The following RNF123 variants were observed in gnomAD, a reference collection of about 807,000 sequenced individuals.
RNF123 encodes the protein E3 ubiquitin-protein ligase RNF123.
A neutral mutation model predicts 168.5 loss-of-function variants in RNF123; 86 were observed. The ratio of observed to expected loss-of-function variants is 0.51; its 90% confidence interval spans 0.43 to 0.61. RNF123 has a LOEUF of 0.61. Among genes scored for constraint, RNF123 ranks in the 20% least tolerant of loss-of-function variants. The pLI is 0.00. For missense variants in RNF123, 1,419 were observed against 1,729.7 expected, an observed-to-expected ratio of 0.82 and a Z score of 3.19; for synonymous variants, 666 against 689.1, an observed-to-expected ratio of 0.97 and a Z score of 0.52.
chr3:49,710,380 A>G (rs1267893791), intron 26 of RNF123, among the ~76,000 whole-genome samples: 2 of 152,040 alleles, frequency 1.3e-5, no homozygotes, highest in Non-Finnish European at 2.9e-5. Flanking sequence ...CCCAGGTTCA[A>G]GCGATTCTTC....
intron 35 of RNF123, chr3:49,717,639 A>AG: frequency 2.2e-6 from 1 of 465,060 alleles, no homozygotes; most frequent in Non-Finnish European, 3.9e-6. Context: ...TGAAAGCCAC[A>AG]GGGGCCTGGG....
At chr3:49,708,075 C>A (rs979590559) in intron 26 of RNF123, among the ~76,000 whole-genome samples, 4 of 152,030 alleles carry the variant, frequency 2.6e-5, no homozygotes, top group African/African-American at 7.2e-5. Context: ...CAACCTCTGT[C>A]TCCCGGGTTC....
intron 3 of RNF123, among the ~76,000 whole-genome samples, chr3:49,694,292 A>G (rs1559669583): frequency 6.6e-6 from 1 of 152,254 alleles, no homozygotes; most frequent in Admixed American, 6.5e-5. Context: ...CCGTGAAACC[A>G]TCACTACCAT....
Position 49,715,611 on chromosome 3 carries a change from C to A in RNF123, c.3047C>A (p.Ala1016Glu), listed in dbSNP as rs199987645. The change falls in exon 32 of 39, where the codon GCG (alanine) becomes GAG (glutamate). Residue 1016 changes from alanine (A) to glutamate (E), a missense_variant. Ala to Glu is a moderately radical substitution (Grantham distance 107). Coordinates refer to ENST00000327697, the MANE Select transcript of RNF123 (RefSeq NM_022064.5). ...CPSTLLQQHM[A>E]DLLQQGPDVA... ...TCCACCCTGCTGCAGCAGCACATGG[C>A]GGACCTCCTACAGCAGGGTCCTGAT... The A allele has an allele frequency of 1.2e-6, 2 of 1,614,018 alleles. No homozygotes were observed. The highest frequency in any genetic ancestry group is 8.5e-7 in the Non-Finnish European group (1 of 1,180,030).
At chr3:49,706,354 A>G (rs1349279279) in intron 25 of RNF123, among the ~76,000 whole-genome samples, 1 of 152,224 alleles carries the variant, frequency 6.6e-6, no homozygotes, top group African/African-American at 2.4e-5. Flanking sequence ...CAGAGTCAGC[A>G]GGAAGCAGGG....
Position 49,714,120 on chromosome 3 carries a change from C to CTA in RNF123, c.2957_2958insAT (p.Pro987CysfsTer5). 1 of 1,614,144 alleles carries CTA rather than the reference C, an allele frequency of 6.2e-7. No individual in the cohort carries two copies. Among genetic ancestry groups the CTA allele is most frequent in the Non-Finnish European group, 8.5e-7 (1 of 1,180,032 alleles). On this transcript the variant is annotated frameshift_variant, in exon 31 of 39. Transcript: ENST00000327697. LOFTEE classifies it high-confidence loss of function. Reference sequence around the variant, plus strand: ...TGGCTTCGGGTACCGCTATACACGGCTGCCACATCTGCTGAAAACCAAACT... The same window carrying CTA: ...TGGCTTCGGGTACCGCTATACACGGCTATGCCACATCTGCTGAAAACCAAACT...
In RNF123 at chr3:49,716,073, C is replaced by A. The variant is rs747881020; in HGVS notation, c.3340-29C>A. 24 of 1,613,650 alleles carry A rather than the reference C, an allele frequency of 1.5e-5. No homozygotes were observed. The South Asian group carries it at 2.5e-4, about 17-fold the overall frequency. On this transcript the variant is annotated intron_variant, in intron 33 of 38. Coordinates refer to ENST00000327697, the MANE Select transcript of RNF123 (RefSeq NM_022064.5). ...ATGCCCCATTGATGACGCTCCCCAT[C>A]CACCAATGGACTCCTGCTCCCCTCA...
intron 15 of RNF123, 95 bp downstream of exon 15, chr3:49,700,804 CT>C: frequency 7.5e-7 from 1 of 1,332,782 alleles, no homozygotes; most frequent in East Asian, 2.3e-5. Context: ...CAGGGGTCCC[CT>C]GGGAGCATCA....
At chr3:49,704,555 G>T in intron 21 of RNF123, 95 bp from the exon 22 acceptor site, 1 of 1,057,822 alleles carries the variant, frequency 9.5e-7, no homozygotes, top group Non-Finnish European at 1.4e-6. Flanking sequence ...AAGGCCTCCT[G>T]CCCAGTGTGC....
intron 35 of RNF123, chr3:49,719,011 G>A (rs1559691789): frequency 6.2e-7 from 1 of 1,613,886 alleles, no homozygotes. Flanking sequence ...GCCGTGGAAG[G>A]CATGCTCGTC....
intron 26 of RNF123, among the ~76,000 whole-genome samples, chr3:49,707,343 G>A (rs988415034): frequency 2.6e-5 from 4 of 152,166 alleles, no homozygotes; most frequent in Non-Finnish European, 5.9e-5. Flanking sequence ...TCAATAACAT[G>A]CACTCAAAAC....
intron 21 of RNF123, 92 bp downstream of exon 21, chr3:49,703,620 T>TTGTTTAATGATAC: frequency 9.8e-7 from 1 of 1,025,424 alleles, no homozygotes; most frequent in Non-Finnish European, 1.4e-6. Flanking sequence ...AGCCATCCTA[T>TTGTTTAATGATAC]GGCCACCAGA....
intron 8 of RNF123, 56 bp downstream of exon 8, chr3:49,698,582 T>C: frequency 6.3e-7 from 1 of 1,591,618 alleles, no homozygotes; most frequent in African/African-American, 1.3e-5. Context: ...ACAGCTTATT[T>C]GGAGCCACTG....
At position 49,702,498 on chromosome 3, in the gene RNF123, C is replaced by T. The variant is rs1047109625; in HGVS notation, c.1629+93C>T. On this transcript the variant is annotated intron_variant, in intron 19 of 38. Coordinates refer to ENST00000327697, the MANE Select transcript of RNF123 (RefSeq NM_022064.5). ...CTGGCACTTCTCGGACTGCCTCATC[C>T]CTGCCTAGCCCCAAGCTTTTCTCTG... The T allele has an allele frequency of 3.5e-5, 56 of 1,599,870 alleles. No individual in the cohort carries two copies. In the African/African-American group the frequency reaches 6.4e-4, roughly 18 times the overall value.
In RNF123 at chr3:49,719,087, G is replaced by A. The variant is rs2080323841; in HGVS notation, c.3501-1424G>A. 6 of 1,613,662 alleles carry A rather than the reference G, an allele frequency of 3.7e-6. No individual in the cohort carries two copies. The East Asian group carries it at 1.1e-4, about 30-fold the overall frequency. Reference sequence around the variant, plus strand: ...AGCGCCCCCAGCCCGTCGAGGTCGTGGCGGCCAAGCGCCCGCAACGTGTTA... The same window carrying A: ...AGCGCCCCCAGCCCGTCGAGGTCGTAGCGGCCAAGCGCCCGCAACGTGTTA... On this transcript the variant is annotated intron_variant, in intron 35 of 38. Coordinates refer to ENST00000327697, the MANE Select transcript of RNF123 (RefSeq NM_022064.5).
intron 24 of RNF123, 34 bp from the exon 25 acceptor site, chr3:49,705,948 G>T (rs750705430): frequency 8.7e-6 from 14 of 1,604,476 alleles, no homozygotes; most frequent in Non-Finnish European, 1.2e-5. Flanking sequence ...AGTGCCCAAG[G>T]GGCACTCTGG....
At position 49,699,400 on chromosome 3, in the gene RNF123, G is replaced by C; in HGVS notation, c.765-68G>C. 5.2e-6 allele frequency: 7 copies of C among 1,342,118 alleles called. No homozygotes were observed. Among genetic ancestry groups the C allele is most frequent in the African/African-American group, 1.4e-5 (1 of 69,286 alleles). The allele number at this position is 1,342,118 out of a possible 1,614,324, so 83.1% of individuals were successfully genotyped here. Reference sequence around the variant, plus strand: ...TAGAGCCCAGGCCCCGGGGTGGGGGGTGGGCAGTGGAGAGGGAGTAGGCAT... The same window carrying C: ...TAGAGCCCAGGCCCCGGGGTGGGGGCTGGGCAGTGGAGAGGGAGTAGGCAT... On this transcript the variant is annotated intron_variant, in intron 10 of 38. Coordinates refer to ENST00000327697, the MANE Select transcript of RNF123 (RefSeq NM_022064.5). The surrounding 1 kb of genome is among the most constrained non-coding windows in gnomAD (Gnocchi z 4.8).
At chr3:49,718,550 C>T (rs2080305015) in intron 35 of RNF123, 2 of 1,613,160 alleles carry the variant, frequency 1.2e-6, no homozygotes, top group East Asian at 2.2e-5. Flanking sequence ...ATGCGCATGG[C>T]CGGGACGCTG....
intron 34 of RNF123, 105 bp downstream of exon 34, chr3:49,716,282 G>C: frequency 6.5e-7 from 1 of 1,549,130 alleles, no homozygotes; most frequent in African/African-American, 1.4e-5. Context: ...AGCCAGACTT[G>C]GTGCTCTGCA....
Sources: allele counts gnomAD v4.1 joint callset (sites outside exome capture counted in the v4.1 genomes callset), GRCh38; gene constraint gnomAD v4.1.1; non-coding constraint Gnocchi (gnomAD v3.1); transcripts MANE v1.5; gene names NCBI Gene and HGNC (gene_info 2026-07-23, HGNC 2026-07-21).